The following GPC5 variants were observed in gnomAD, a reference collection of about 807,000 sequenced individuals.
The protein encoded by GPC5 is glypican 5.
Under a neutral mutation model 53.9 loss-of-function variants are expected in GPC5, and 47 were observed. The observed-to-expected ratio is 0.87, with a 90% CI of 0.69 to 1.11. The LOEUF (loss-of-function observed/expected upper bound fraction) is 1.11. Among genes scored for constraint, GPC5 ranks in the 50% most tolerant of loss-of-function variants. The pLI, the probability that GPC5 is intolerant of heterozygous loss-of-function variation, is 0.00. For synonymous variants in GPC5, 286 were observed against 263.3 expected, an observed-to-expected ratio of 1.09 and a Z score of -0.84; for missense variants, 748 against 713.1, an observed-to-expected ratio of 1.05 and a Z score of -0.56.
intron 5 of GPC5, among the ~76,000 whole-genome samples, chr13:91,880,040 C>T (rs545356445): frequency 5.5e-4 from 83 of 152,116 alleles, no homozygotes; most frequent in Non-Finnish European, 1.1e-3. Flanking sequence ...ATACATATTT[C>T]ATAGTTTTGG....
At chr13:91,913,012 T>G (rs1377609339) in intron 6 of GPC5, among the ~76,000 whole-genome samples, 2 of 152,116 alleles carry the variant, frequency 1.3e-5, no homozygotes, top group Admixed American at 6.6e-5. Context: ...GAGACCAAGG[T>G]AACTGTCCTG....
intron 7 of GPC5, among the ~76,000 whole-genome samples, chr13:92,651,243 G>A (rs1300504744): frequency 1.3e-5 from 2 of 150,120 alleles, no homozygotes; most frequent in Non-Finnish European, 1.5e-5. Context: ...TATGAAAATT[G>A]AAAAAAAAAT....
chr13:91,938,407 A>C (rs900463720), intron 6 of GPC5, among the ~76,000 whole-genome samples: 1 of 152,116 alleles, frequency 6.6e-6, no homozygotes, highest in African/African-American at 2.4e-5. Context: ...CATGCTATTC[A>C]TGAAGCATCC....
intron 7 of GPC5, among the ~76,000 whole-genome samples, chr13:92,147,128 T>C (rs1203689416): frequency 7.0e-6 from 1 of 141,882 alleles, no homozygotes; most frequent in Non-Finnish European, 1.5e-5. Flanking sequence ...ATTTTTATCA[T>C]GGTCAAATAG....
chr13:92,147,404 T>C (rs2041875972), intron 7 of GPC5, among the ~76,000 whole-genome samples: 1 of 151,918 alleles, frequency 6.6e-6, no homozygotes, highest in Non-Finnish European at 1.5e-5. Flanking sequence ...TGTGTGTGCA[T>C]ATGTGTGTAT....
intron 7 of GPC5, among the ~76,000 whole-genome samples, chr13:92,703,668 T>C (rs1887841962): frequency 6.6e-6 from 1 of 150,498 alleles, no homozygotes; most frequent in African/African-American, 2.4e-5. Flanking sequence ...TAAAAATTTA[T>C]ATTTATTCAT....
chr13:91,700,516 A>C (rs993235643), intron 3 of GPC5, among the ~76,000 whole-genome samples: 2 of 152,208 alleles, frequency 1.3e-5, no homozygotes, highest in Non-Finnish European at 2.9e-5. Context: ...AGAGTGGTCC[A>C]TCACGTTTGT....
At chr13:91,827,724 A>G (rs987147504) in intron 5 of GPC5, among the ~76,000 whole-genome samples, 11 of 152,084 alleles carry the variant, frequency 7.2e-5, no homozygotes, top group Non-Finnish European at 1.5e-4. Flanking sequence ...CGTATAGAAT[A>G]ACTCCTATAC....
At chr13:92,284,527 A>G (rs548515541) in intron 7 of GPC5, among the ~76,000 whole-genome samples, 1 of 152,332 alleles carries the variant, frequency 6.6e-6, no homozygotes, top group South Asian at 2.1e-4. Flanking sequence ...GCAGCACGTC[A>G]AAAAGCTTAT....
intron 6 of GPC5, among the ~76,000 whole-genome samples, chr13:92,124,908 T>C (rs542143865): frequency 6.6e-6 from 1 of 152,330 alleles, no homozygotes; most frequent in East Asian, 1.9e-4. Flanking sequence ...TATCTTGTGT[T>C]ATCTCCCCTT....
chr13:91,714,893 T>TTCCAGG (rs2036303268), intron 3 of GPC5, among the ~76,000 whole-genome samples: 1 of 152,162 alleles, frequency 6.6e-6, no homozygotes, highest in African/African-American at 2.4e-5. Context: ...AGCAGCAGTG[T>TTCCAGG]TCCAGGTCCG....
intron 2 of GPC5, among the ~76,000 whole-genome samples, chr13:91,487,230 C>T (rs1883660899): frequency 6.6e-6 from 1 of 152,048 alleles, no homozygotes; most frequent in African/African-American, 2.4e-5. Flanking sequence ...CCCAACGATG[C>T]TTATATACTC....
rs546067686 is a variant in GPC5, at chr13:92,339,926, C to A, written c.1561+194937C>A. 5 of 152,092 alleles carry A rather than the reference C, an allele frequency of 3.3e-5. No homozygotes were observed. The South Asian group carries it at 8.3e-4, about 25-fold the overall frequency. The allele number at this position is 152,092 out of a possible 1,614,324, so 9.4% of individuals were successfully genotyped here. On this transcript the variant is annotated intron_variant, in intron 7 of 7. Transcript: ENST00000377067. ...GTATTTATGATGATAAATGCACACA[C>A]GTAAACTTTCAAAAACATTTCTTTC...
chr13:92,300,807 A>G (rs1299215168), intron 7 of GPC5, among the ~76,000 whole-genome samples: 1 of 152,212 alleles, frequency 6.6e-6, no homozygotes. Context: ...CCAACAACTT[A>G]TCTTCCTTAG....
At chr13:91,850,598 T>G (rs969349049) in intron 5 of GPC5, among the ~76,000 whole-genome samples, 12 of 152,194 alleles carry the variant, frequency 7.9e-5, no homozygotes, top group African/African-American at 2.9e-4. Flanking sequence ...GTATGTCATA[T>G]TTTCATGAAG....
intron 5 of GPC5, among the ~76,000 whole-genome samples, chr13:91,833,485 A>G (rs528446276): frequency 6.1e-4 from 93 of 152,302 alleles, no homozygotes; most frequent in African/African-American, 2.0e-3. Context: ...ATGAACATCA[A>G]TGCAAAAATC....
chr13:91,949,458 C>A (rs1407489070), intron 6 of GPC5, among the ~76,000 whole-genome samples: 1 of 152,128 alleles, frequency 6.6e-6, no homozygotes, highest in Non-Finnish European at 1.5e-5. Context: ...CAAAAACCTA[C>A]ATACAGCAAA....
At chr13:91,683,992 T>C (rs550596831) in intron 2 of GPC5, among the ~76,000 whole-genome samples, 6 of 152,218 alleles carry the variant, frequency 3.9e-5, no homozygotes, top group Non-Finnish European at 5.9e-5. Flanking sequence ...AGGGCTTCTC[T>C]TTCTCATCAG....
chr13:91,575,897 G>A (rs190736289), intron 2 of GPC5, among the ~76,000 whole-genome samples: 9 of 152,190 alleles, frequency 5.9e-5, no homozygotes, highest in African/African-American at 2.2e-4. Flanking sequence ...TACTTTCAGT[G>A]TCAAAGAATT....
Sources: allele counts gnomAD v4.1 joint callset (sites outside exome capture counted in the v4.1 genomes callset), GRCh38; gene constraint gnomAD v4.1.1; transcripts MANE v1.5; gene names NCBI Gene and HGNC (gene_info 2026-07-23, HGNC 2026-07-21).